The following TGIF1 variants were observed in gnomAD, a reference collection of about 807,000 sequenced individuals.
The protein encoded by TGIF1 is homeobox protein TGIF1.
Under a neutral mutation model 19.3 loss-of-function variants are expected in TGIF1, and 4 were observed. That is an observed-to-expected ratio of 0.21 (90% CI 0.10 to 0.47). TGIF1 has a LOEUF of 0.47. Among genes scored for constraint, TGIF1 ranks in the 20% least tolerant of loss-of-function variants. TGIF1 has a pLI of 0.98. For synonymous variants in TGIF1, 122 were observed against 129.3 expected, an observed-to-expected ratio of 0.94 and a Z score of 0.38; for missense variants, 275 against 341.4, an observed-to-expected ratio of 0.81 and a Z score of 1.53.
At position 3,457,471 on chromosome 18, in the gene TGIF1, T is replaced by C. The variant is rs2049393996; in HGVS notation, c.350T>C (p.Ile117Thr). 6.2e-7 allele frequency: 1 copy of C among 1,614,230 alleles called. No individual in the cohort carries two copies. The change falls in exon 3 of 3, where the codon ATT (isoleucine) becomes ACT (threonine). Residue 117 changes from isoleucine (I) to threonine (T), a missense_variant. Transcript: ENST00000343820. The surrounding 1 kb of genome is among the most constrained non-coding windows in gnomAD (Gnocchi z 4.9). Reference sequence around the variant, plus strand: ...ACAATTTCCCGCCGTGGGGCCAAGATTTCTGAAACGAGCTCTGTGGAGTCC... The same window carrying C: ...ACAATTTCCCGCCGTGGGGCCAAGACTTCTGAAACGAGCTCTGTGGAGTCC... The part of the protein sequence containing the change: ...QFTISRRGAK[I>T]SETSSVESVM...
At chr18:3,423,677 C>T (rs2082435560) in intron 2 of TGIF1, among the ~76,000 whole-genome samples, 1 of 151,280 alleles carries the variant, frequency 6.6e-6, no homozygotes, top group Non-Finnish European at 1.5e-5. Context: ...AGCGAGACTC[C>T]CATCTCAAAA....
chr18:3,455,827 C>T, intron 1 of TGIF1: 1 of 175,198 alleles, frequency 5.7e-6, no homozygotes, highest in South Asian at 1.3e-4. Flanking sequence ...TGTAATTTTC[C>T]TTCCTTATAT....
At chr18:3,423,202 A>G (rs573459191) in intron 2 of TGIF1, among the ~76,000 whole-genome samples, 1 of 152,204 alleles carries the variant, frequency 6.6e-6, no homozygotes, top group East Asian at 1.9e-4. Flanking sequence ...ATTTCTCAGA[A>G]TGTCTCCCCG....
intron 2 of TGIF1, among the ~76,000 whole-genome samples, chr18:3,427,297 T>A (rs1490380456): frequency 6.6e-6 from 1 of 151,550 alleles, no homozygotes; most frequent in Non-Finnish European, 1.5e-5. Flanking sequence ...TCTCCCTTTT[T>A]TTTTTTTTCT....
intron 2 of TGIF1, among the ~76,000 whole-genome samples, chr18:3,421,759 T>TG (rs113865375): frequency 6.6e-6 from 1 of 151,288 alleles, no homozygotes; most frequent in Non-Finnish European, 1.5e-5. Context: ...TTCTGTTTAA[T>TG]AAAAAAATTA....
In TGIF1 at chr18:3,456,699, T is replaced by C. The variant is rs200261526; in HGVS notation, c.243+119T>C. 1.1e-6 allele frequency: 1 copy of C among 921,938 alleles called. No homozygotes were observed. The highest frequency in any genetic ancestry group is 2.0e-5 in the Admixed American group (1 of 50,790). 57.1% of individuals were successfully genotyped at this position (921,938 alleles called of 1,614,324 possible). On this transcript the variant is annotated intron_variant, in intron 2 of 2. Transcript: ENST00000343820. This position sits in a 1 kb window ranked among gnomAD's most constrained non-coding sequence, Gnocchi z 4.2. ...ACTCAAAGACAGAAGGAATATCTTT[T>C]TATTGTAAACTTGATAGTGTTAAAA...
upstream of TGIF1, chr18:3,447,493 T>C: frequency 1.7e-6 from 1 of 600,004 alleles, no homozygotes; most frequent in Non-Finnish European, 3.0e-6. Flanking sequence ...CCTAAGCAAT[T>C]GCTGGTATCT....
At chr18:3,450,047 CG>C, upstream of TGIF1, 1 of 994,732 alleles carries the variant, frequency 1.0e-6, no homozygotes. Context: ...CCGCCGCGCT[CG>C]GTCCAGTCTT....
chr18:3,433,645 C>T (rs923241031), intron 2 of TGIF1, among the ~76,000 whole-genome samples: 13 of 152,196 alleles, frequency 8.5e-5, no homozygotes, highest in Admixed American at 1.3e-4. Context: ...GAGGAGAGAA[C>T]GATGACTTAG....
chr18:3,452,307 TG>T lies in TGIF1; in HGVS notation c.16+1805del. 1 of 1,612,592 alleles carries T rather than the reference TG, an allele frequency of 6.2e-7. No homozygotes were observed. Among genetic ancestry groups the T allele is most frequent in the Non-Finnish European group, 8.5e-7 (1 of 1,179,716 alleles). On this transcript the variant is annotated intron_variant, in intron 1 of 2. Coordinates refer to ENST00000343820, the MANE Select transcript of TGIF1 (RefSeq NM_003244.4). ...GGCTGGGCCCCGCCGGCCGCATCGG[TG>T]GGAACTTCCGCGGTCCCCATCCCAG...
chr18:3,452,673 C>T (rs1015144624), intron 1 of TGIF1, among the ~76,000 whole-genome samples: 1 of 152,158 alleles, frequency 6.6e-6, no homozygotes, highest in Non-Finnish European at 1.5e-5. Context: ...CCCTCCCTCT[C>T]CCCGTGCTCC....
At chr18:3,449,895 A>G (rs1042918904), upstream of TGIF1, 1 of 985,710 alleles carries the variant, frequency 1.0e-6, no homozygotes, top group African/African-American at 1.7e-5. Context: ...CCAAGGGAGA[A>G]ACCTGGGGCG....
At chr18:3,430,214 C>T (rs575148142) in intron 2 of TGIF1, among the ~76,000 whole-genome samples, 38 of 152,200 alleles carry the variant, frequency 2.5e-4, no homozygotes, top group Admixed American at 1.0e-3. Flanking sequence ...CTGTTTGATG[C>T]CAAGTTTTCT....
chr18:3,443,315 G>A (rs1430259267), intron 2 of TGIF1, among the ~76,000 whole-genome samples: 1 of 152,060 alleles, frequency 6.6e-6, no homozygotes, highest in African/African-American at 2.4e-5. Context: ...TATTAGTATT[G>A]TTTAGATTAT....
chr18:3,456,842 A>C lies in TGIF1; in HGVS notation c.243+262A>C. The C allele has an allele frequency of 1.6e-6, 1 of 616,690 alleles. No individual in the cohort carries two copies. Among genetic ancestry groups the C allele is most frequent in the South Asian group, 2.0e-5 (1 of 50,784 alleles). The allele number at this position is 616,690 out of a possible 1,614,324, so 38.2% of individuals were successfully genotyped here. On this transcript the variant is annotated intron_variant, in intron 2 of 2. Coordinates refer to ENST00000343820, the MANE Select transcript of TGIF1 (RefSeq NM_003244.4). This position sits in a 1 kb window ranked among gnomAD's most constrained non-coding sequence, Gnocchi z 4.2. ...GCAACAGACATTAAAAGGAGGTTAAACCTTACTCTATTGTCCAGGAAACTG... is the reference window on the plus strand; with the variant it reads ...GCAACAGACATTAAAAGGAGGTTAACCCTTACTCTATTGTCCAGGAAACTG...
chr18:3,448,058 G>A (rs1413191469), upstream of TGIF1: 50 of 981,188 alleles, frequency 5.1e-5, no homozygotes, highest in Admixed American at 6.2e-5. Context: ...TTTGTCTCGA[G>A]CTGGCTAAAG....
At chr18:3,455,424 C>G (rs976564021) in intron 1 of TGIF1, 3 of 152,164 alleles carry the variant, frequency 2.0e-5, no homozygotes, top group African/African-American at 7.2e-5. Flanking sequence ...AAAGTACTTA[C>G]AGCCAAAAGA....
chr18:3,452,020 C>T (rs1035633620), intron 1 of TGIF1: 3 of 1,609,780 alleles, frequency 1.9e-6, no homozygotes, highest in African/African-American at 2.7e-5. Flanking sequence ...GGGGTGGGCT[C>T]CCCGCATTGT....
chr18:3,430,186 C>G (rs1473564576), intron 2 of TGIF1, among the ~76,000 whole-genome samples: 2 of 152,060 alleles, frequency 1.3e-5, no homozygotes, highest in East Asian at 3.9e-4. Context: ...AATACTCATC[C>G]TTTTTCCAAC....
Sources: allele counts gnomAD v4.1 joint callset (sites outside exome capture counted in the v4.1 genomes callset), GRCh38; gene constraint gnomAD v4.1.1; non-coding constraint Gnocchi (gnomAD v3.1); transcripts MANE v1.5; gene names NCBI Gene and HGNC (gene_info 2026-07-23, HGNC 2026-07-21).